Variants in PIP5K1B observed in about 807,000 individuals in gnomAD.
PIP5K1B encodes the protein phosphatidylinositol-4-phosphate 5-kinase type 1 beta.
A neutral mutation model predicts 67.0 loss-of-function variants in PIP5K1B; 42 were observed. The observed-to-expected ratio is 0.63, with a 90% CI of 0.49 to 0.81. PIP5K1B has a LOEUF of 0.81. PIP5K1B is among the 30% of genes least tolerant of loss of function. The pLI is 0.00. For synonymous variants in PIP5K1B, 214 were observed against 231.4 expected, an observed-to-expected ratio of 0.92 and a Z score of 0.68; for missense variants, 459 against 646.3, an observed-to-expected ratio of 0.71 and a Z score of 3.14.
intron 12 of PIP5K1B, among the ~76,000 whole-genome samples, chr9:68,926,332 G>A (rs907510029): frequency 2.0e-5 from 3 of 152,080 alleles, no homozygotes; most frequent in African/African-American, 4.8e-5. Context: ...TATGGCATGT[G>A]TCGCAGATTT....
At chr9:68,837,072 C>T (rs1484202327) in intron 4 of PIP5K1B, among the ~76,000 whole-genome samples, 1 of 152,220 alleles carries the variant, frequency 6.6e-6, no homozygotes, top group Admixed American at 6.5e-5. Flanking sequence ...GGCCGGAAAG[C>T]GTTCAGCACC....
intron 2 of PIP5K1B, among the ~76,000 whole-genome samples, chr9:68,804,169 G>A (rs76642244): frequency 0.13 from 19,717 of 152,096 alleles, 1,396 homozygotes; most frequent in Non-Finnish European, 0.16. Flanking sequence ...TGAAGAAGAG[G>A]TTTCAGGAGC....
At chr9:68,719,217 T>C (rs998644739) in intron 1 of PIP5K1B, among the ~76,000 whole-genome samples, 3 of 152,230 alleles carry the variant, frequency 2.0e-5, no homozygotes, top group African/African-American at 7.2e-5. Flanking sequence ...GTTTACTATA[T>C]TATGGTCTAA....
chr9:68,859,763 A>G lies in PIP5K1B; in HGVS notation c.70-4074A>G, dbSNP rs996105780. Among the ~76,000 whole-genome samples the G allele has an allele frequency of 6.6e-5, 10 of 152,210 alleles. 1 individual carries two copies. The highest frequency in any genetic ancestry group is 5.9e-4 in the Admixed American group (9 of 15,282). Reference sequence around the variant, plus strand: ...CACTTCACACAGAAGGTTCTTTGTCATCATCATGATTTACTAATCTCATCA... The same window carrying G: ...CACTTCACACAGAAGGTTCTTTGTCGTCATCATGATTTACTAATCTCATCA... On this transcript the variant is annotated intron_variant, in intron 4 of 15. Transcript: ENST00000265382.
intron 9 of PIP5K1B, among the ~76,000 whole-genome samples, chr9:68,918,210 C>A (rs1428024916): frequency 2.0e-5 from 3 of 151,924 alleles, no homozygotes; most frequent in Non-Finnish European, 4.4e-5. Flanking sequence ...CTGCCTCAGC[C>A]TCCAAAGTAG....
At position 68,746,234 on chromosome 9, in the gene PIP5K1B, A is replaced by G. The variant is rs371293129; in HGVS notation, c.-86+3577A>G. ...GCTAGGACTACAGGCATGCATCACC[A>G]TGCCTGGCTAATTTTTGTATTTTTA... On this transcript the variant is annotated intron_variant, in intron 2 of 15. Transcript: ENST00000265382. 2.6e-5 allele frequency among the ~76,000 whole-genome samples: 4 copies of G among 151,722 alleles called. No individual in the cohort carries two copies. In the East Asian group the frequency reaches 5.8e-4, roughly 22 times the overall value.
chr9:68,924,401 C>CGAAAAAAAAAAAAAAAAAAAAAAAA lies in PIP5K1B; in HGVS notation c.1201+1015_1201+1016insGAAAAAAAAAAAAAAAAAAAAAAAA, dbSNP rs1341716504. On this transcript the variant is annotated intron_variant, in intron 12 of 15. Coordinates refer to ENST00000265382, the MANE Select transcript of PIP5K1B (RefSeq NM_003558.4). ...TGGGCAACAGAGTGACACTGCGCCT[C>CGAAAAAAAAAAAAAAAAAAAAAAAA]AAAAAAAAAAAAAAAAAAAAAAAAT... Among the ~76,000 whole-genome samples the CGAAAAAAAAAAAAAAAAAAAAAAAA allele has an allele frequency of 2.3e-5, 2 of 86,768 alleles. 1 individual carries two copies. 56.9% of individuals were successfully genotyped at this position (86,768 alleles called of 152,430 possible). A position where few individuals can be genotyped will look rare whatever the true frequency, so the allele number is the denominator to read the frequency against.
intron 14 of PIP5K1B, among the ~76,000 whole-genome samples, chr9:68,949,098 A>C (rs1827936899): frequency 1.7e-5 from 2 of 119,396 alleles, no homozygotes; most frequent in South Asian, 2.3e-4. Flanking sequence ...TTTAACTGAC[A>C]AAAAAAAAAA....
intron 2 of PIP5K1B, among the ~76,000 whole-genome samples, chr9:68,757,582 C>G (rs931390676): frequency 1.3e-5 from 2 of 152,154 alleles, no homozygotes; most frequent in Non-Finnish European, 2.9e-5. Context: ...CTCCTGCTCT[C>G]TCTCGTAAAT....
chr9:68,890,183 T>C (rs1438553314), intron 7 of PIP5K1B, among the ~76,000 whole-genome samples: 2 of 152,220 alleles, frequency 1.3e-5, no homozygotes, highest in East Asian at 3.8e-4. Flanking sequence ...AATTTAGAAT[T>C]TCATGGGTAA....
chr9:68,910,494 G>A (rs537820958), intron 8 of PIP5K1B, among the ~76,000 whole-genome samples: 1 of 132,340 alleles, frequency 7.6e-6, no homozygotes. Flanking sequence ...CTTTATTGCT[G>A]AATATTTTGG....
Position 68,929,163 on chromosome 9 carries a change from TAAAAAAAA to T in PIP5K1B, c.1202-5711_1202-5704del, listed in dbSNP as rs60505568. On this transcript the variant is annotated intron_variant, in intron 12 of 15. Transcript: ENST00000265382. ...CTGGGTGACAGAGCAAGACTCTATC[TAAAAAAAA>T]AAAAAAAAAAAAAAAGTAAGGTGAC... Among the ~76,000 whole-genome samples the T allele has an allele frequency of 1.1e-3, 107 of 101,476 alleles. 1 individual carries two copies. Among genetic ancestry groups the T allele is most frequent in the African/African-American group, 3.9e-3 (99 of 25,700 alleles). 66.6% of individuals were successfully genotyped at this position (101,476 alleles called of 152,430 possible). A position where few individuals can be genotyped will look rare whatever the true frequency, so the allele number is the denominator to read the frequency against.
At chr9:68,904,905 T>C (rs1284851646) in intron 8 of PIP5K1B, among the ~76,000 whole-genome samples, 1 of 152,062 alleles carries the variant, frequency 6.6e-6, no homozygotes, top group Non-Finnish European at 1.5e-5. Context: ...ACCTAAAGAT[T>C]GGAGAGTTGA....
intron 2 of PIP5K1B, among the ~76,000 whole-genome samples, chr9:68,816,846 G>C (rs1263028485): frequency 6.6e-6 from 1 of 152,152 alleles, no homozygotes; most frequent in Non-Finnish European, 1.5e-5. Flanking sequence ...ATCAGGTTAG[G>C]GGGAGCTCTC....
At chr9:68,971,976 A>T (rs556688911) in intron 14 of PIP5K1B, among the ~76,000 whole-genome samples, 3 of 152,080 alleles carry the variant, frequency 2.0e-5, no homozygotes, top group African/African-American at 7.2e-5. Flanking sequence ...GCTATGCAGG[A>T]GCTCTTTAGT....
At chr9:68,815,275 A>AT (rs1833381659) in intron 2 of PIP5K1B, among the ~76,000 whole-genome samples, 1 of 151,810 alleles carries the variant, frequency 6.6e-6, no homozygotes. Flanking sequence ...ATTAAAAAAA[A>AT]AAAGAGTGAA....
chr9:68,788,256 A>G, intron 2 of PIP5K1B: 1 of 481,502 alleles, frequency 2.1e-6, no homozygotes, highest in South Asian at 1.9e-5. Context: ...TTTTACTTTT[A>G]GATAAGAAAT....
At chr9:68,839,789 T>A (rs1403733984) in intron 4 of PIP5K1B, among the ~76,000 whole-genome samples, 4 of 152,158 alleles carry the variant, frequency 2.6e-5, no homozygotes, top group African/African-American at 9.7e-5. Flanking sequence ...GGAGGAGAAA[T>A]GCCAGGGTGC....
intron 8 of PIP5K1B, among the ~76,000 whole-genome samples, chr9:68,906,411 T>G (rs1564221690): frequency 6.6e-6 from 1 of 152,156 alleles, no homozygotes; most frequent in Non-Finnish European, 1.5e-5. Context: ...GTAGAAAATG[T>G]CCGTGGGGGG....
Sources: gnomAD v4.1 joint callset for allele counts (sites outside exome capture counted in the v4.1 genomes callset) on GRCh38, gnomAD v4.1.1 for gene constraint, MANE v1.5 for transcripts, NCBI Gene and HGNC (gene_info 2026-07-23, HGNC 2026-07-21) for gene names.